The following CAPZB variants were observed in gnomAD, a reference collection of about 807,000 sequenced individuals.
CAPZB encodes the protein F-actin-capping protein subunit beta.
Under a neutral mutation model 38.1 loss-of-function variants are expected in CAPZB, and 2 were observed. The ratio of observed to expected loss-of-function variants is 0.05; its 90% CI spans 0.02 to 0.17. The LOEUF is 0.17. Among genes scored for constraint, CAPZB ranks in the 10% least tolerant of loss-of-function variants. The probability of loss-of-function intolerance (pLI) is 1.00; values close to 1 mark genes in which losing one functional copy is unlikely to be tolerated. For synonymous variants in CAPZB, 107 were observed against 127.4 expected, an observed-to-expected ratio of 0.84 and a Z score of 1.08; for missense variants, 161 against 334.2, an observed-to-expected ratio of 0.48 and a Z score of 4.04.
At chr1:19,378,509 C>T (rs189944145) in intron 4 of CAPZB, 31 bp downstream of exon 4, 22 of 1,236,464 alleles carry the variant, frequency 1.8e-5, no homozygotes, top group Middle Eastern at 1.9e-4. Context: ...AACTCACAAG[C>T]GCTAAAGTGC....
At chr1:19,437,382 C>T (rs746542878) in intron 1 of CAPZB, among the ~76,000 whole-genome samples, 5 of 152,096 alleles carry the variant, frequency 3.3e-5, no homozygotes, top group South Asian at 2.1e-4. Flanking sequence ...CACCTACAAA[C>T]GAAAATCACA....
Position 19,380,148 on chromosome 1 carries a change from G to A in CAPZB, c.216-1495C>T, listed in dbSNP as rs145638355. 1.2e-4 allele frequency among the ~76,000 whole-genome samples: 18 copies of A among 152,264 alleles called. No individual in the cohort carries two copies. The East Asian group carries it at 3.3e-3, about 28-fold the overall frequency. On this transcript the variant is annotated intron_variant, in intron 3 of 8. Transcript: ENST00000264202. ...AGTATGGAACCAGAATAAGCTGGGC[G>A]GCCTCTTCCACCAGCCACCCGCAGG...
chr1:19,451,943 T>C (rs1007212144), intron 1 of CAPZB, among the ~76,000 whole-genome samples: 1 of 152,114 alleles, frequency 6.6e-6, no homozygotes, highest in African/African-American at 2.4e-5. Context: ...TAATTTACTG[T>C]TTATTATTGT....
intron 1 of CAPZB, among the ~76,000 whole-genome samples, chr1:19,439,695 C>A (rs2094469390): frequency 6.6e-6 from 1 of 152,258 alleles, no homozygotes; most frequent in Admixed American, 6.5e-5. Context: ...TCCCTCCAAG[C>A]AGCTTCCCTC....
intron 4 of CAPZB, among the ~76,000 whole-genome samples, chr1:19,358,420 G>A (rs536029853): frequency 1.3e-5 from 2 of 152,240 alleles, no homozygotes; most frequent in African/African-American, 4.8e-5. Context: ...TTACAGGCAT[G>A]AGCCACTGCG....
chr1:19,422,552 T>C (rs1341380983), intron 1 of CAPZB, among the ~76,000 whole-genome samples: 3 of 151,976 alleles, frequency 2.0e-5, no homozygotes, highest in African/African-American at 7.3e-5. Context: ...CTGGCTAACG[T>C]GGTGAATCCC....
At chr1:19,408,231 C>G (rs2094341775) in intron 2 of CAPZB, among the ~76,000 whole-genome samples, 1 of 152,202 alleles carries the variant, frequency 6.6e-6, no homozygotes, top group Non-Finnish European at 1.5e-5. Context: ...CTGGTGGAAC[C>G]CAGGAGTGAG....
At chr1:19,478,830 G>T (rs539802751) in intron 1 of CAPZB, among the ~76,000 whole-genome samples, 4 of 152,316 alleles carry the variant, frequency 2.6e-5, no homozygotes, top group African/African-American at 9.6e-5. Context: ...CTGCCAGGTG[G>T]GCCTCGGTTT....
At chr1:19,429,349 A>G (rs1407075929) in intron 1 of CAPZB, among the ~76,000 whole-genome samples, 5 of 152,192 alleles carry the variant, frequency 3.3e-5, no homozygotes, top group African/African-American at 1.2e-4. Flanking sequence ...CCAGAGTCAC[A>G]GCCCACAAAT....
At chr1:19,395,403 C>G (rs2094261590) in intron 2 of CAPZB, among the ~76,000 whole-genome samples, 1 of 152,160 alleles carries the variant, frequency 6.6e-6, no homozygotes, top group Non-Finnish European at 1.5e-5. Flanking sequence ...CCCTGACCAT[C>G]CAGAGATAAA....
At chr1:19,419,827 T>C in intron 1 of CAPZB, 77 bp from the exon 2 acceptor site, 2 of 875,036 alleles carry the variant, frequency 2.3e-6, no homozygotes, top group East Asian at 2.7e-5. Context: ...AAAAGCATGC[T>C]TGCCCAAGGC....
chr1:19,399,519 GA>G, intron 2 of CAPZB, among the ~76,000 whole-genome samples: 1 of 152,270 alleles, frequency 6.6e-6, no homozygotes, highest in East Asian at 1.9e-4. Flanking sequence ...GTACTGCAGG[GA>G]CTTGCCACTG....
chr1:19,449,996 GC>G (rs1383058428), intron 1 of CAPZB, among the ~76,000 whole-genome samples: 2 of 151,308 alleles, frequency 1.3e-5, no homozygotes, highest in Non-Finnish European at 2.9e-5. Flanking sequence ...TAAAAAATTA[GC>G]CAGGCATGAT....
intron 1 of CAPZB, among the ~76,000 whole-genome samples, chr1:19,460,402 G>T (rs142669666): frequency 0.015 from 2,329 of 152,036 alleles, 69 homozygotes; most frequent in African/African-American, 0.053. Context: ...TCAGCCTCCC[G>T]AGTAGCTGGG....
chr1:19,454,016 G>T (rs3850532), intron 1 of CAPZB, among the ~76,000 whole-genome samples: 1 of 152,068 alleles, frequency 6.6e-6, no homozygotes, highest in South Asian at 2.1e-4. Context: ...CCCTAAGTGC[G>T]CTGCCTCCTG....
rs1261999701 is a variant in CAPZB at position 19,357,253 on chromosome 1, T to C, written c.471+169A>G. ...TTTCTTCTGGGAACTTAATCATCAA[T>C]GACTACTGCAGACTTATCTTTATCC... is the stretch of plus-strand genomic sequence containing the variant. On this transcript the variant is annotated intron_variant, in intron 5 of 8. Coordinates refer to ENST00000264202, the MANE Select transcript of CAPZB (RefSeq NM_004930.5). This position sits in a 1 kb window ranked among gnomAD's most constrained non-coding sequence, Gnocchi z 4.3. Among the ~76,000 whole-genome samples the C allele has an allele frequency of 8.2e-6, 1 of 122,034 alleles. No individual in the cohort carries two copies. Among genetic ancestry groups the C allele is most frequent in the Non-Finnish European group, 1.7e-5 (1 of 57,742 alleles). 80.1% of individuals were successfully genotyped at this position (122,034 alleles called of 152,430 possible).
chr1:19,441,813 G>C (rs1477768957), intron 1 of CAPZB, among the ~76,000 whole-genome samples: 1 of 152,044 alleles, frequency 6.6e-6, no homozygotes. Flanking sequence ...TTCGAGACCA[G>C]CCTGGCAAAC....
intron 7 of CAPZB, 125 bp downstream of exon 7, chr1:19,345,062 C>G: frequency 2.7e-6 from 2 of 753,120 alleles, no homozygotes; most frequent in East Asian, 4.9e-5. Context: ...ATCCAAGAAG[C>G]GCTCTGCCGG....
intron 2 of CAPZB, among the ~76,000 whole-genome samples, chr1:19,387,793 G>GT (rs1175138577): frequency 6.6e-6 from 1 of 152,208 alleles, no homozygotes; most frequent in Non-Finnish European, 1.5e-5. Context: ...ACCCATCTGG[G>GT]TGCCCATGCC....
Sources: allele counts gnomAD v4.1 joint callset (sites outside exome capture counted in the v4.1 genomes callset), GRCh38; gene constraint gnomAD v4.1.1; non-coding constraint Gnocchi (gnomAD v3.1); transcripts MANE v1.5; gene names NCBI Gene and HGNC (gene_info 2026-07-23, HGNC 2026-07-21).